STARD9: variants seen among roughly 807,000 people sequenced by gnomAD.
The protein encoded by STARD9 is stAR-related lipid transfer protein 9.
Under a neutral mutation model 399.8 loss-of-function variants are expected in STARD9, and 346 were observed. The observed-to-expected ratio is 0.87, with a 90% confidence interval of 0.79 to 0.95. The LOEUF is 0.95. STARD9 is among the 40% of genes least tolerant of loss of function. The pLI is 0.00. For missense variants in STARD9, 5,832 were observed against 5,667.5 expected, an observed-to-expected ratio of 1.03 and a Z score of -0.93; for synonymous variants, 2,203 against 2,143.5, an observed-to-expected ratio of 1.03 and a Z score of -0.77.
intron 1 of STARD9, among the ~76,000 whole-genome samples, chr15:42,577,160 C>CTT (rs869047689): frequency 4.1e-5 from 6 of 146,942 alleles, no homozygotes; most frequent in African/African-American, 1.2e-4. Context: ...TTTCTTTTTT[C>CTT]TTTTTTTTTT....
intron 9 of STARD9, 139 bp downstream of exon 9, chr15:42,652,731 A>G (rs1404819539): frequency 1.3e-6 from 1 of 741,554 alleles, no homozygotes; most frequent in Non-Finnish European, 2.3e-6. Flanking sequence ...ACTGGAGTGC[A>G]GTGGCGCGAT....
rs1321549029 is a variant in STARD9 at position 42,720,250 on chromosome 15, T to TC, written c.*677dup. Reference sequence around the variant, plus strand: ...GCGATGATGCTCTGATATGGAGCTGTCACTCTAGAGCTCGGTCAGATGGAA... The same window carrying TC: ...GCGATGATGCTCTGATATGGAGCTGTCCACTCTAGAGCTCGGTCAGATGGAA... On this transcript the variant is annotated 3_prime_UTR_variant, in exon 33 of 33. Coordinates refer to ENST00000290607, the MANE Select transcript of STARD9 (RefSeq NM_020759.3). The TC allele has an allele frequency of 6.6e-6, 1 of 152,334 alleles. No individual in the cohort carries two copies. The highest frequency in any genetic ancestry group is 6.5e-5 in the Admixed American group (1 of 15,282). 9.4% of individuals were successfully genotyped at this position (152,334 alleles called of 1,614,324 possible).
At chr15:42,698,288 A>G (rs998725232) in intron 26 of STARD9, among the ~76,000 whole-genome samples, 1 of 152,200 alleles carries the variant, frequency 6.6e-6, no homozygotes, top group African/African-American at 2.4e-5. Context: ...GAGTATATAC[A>G]TTTAAATTTT....
intron 26 of STARD9, among the ~76,000 whole-genome samples, chr15:42,716,240 C>T (rs1271061517): frequency 6.6e-6 from 1 of 152,132 alleles, no homozygotes; most frequent in Non-Finnish European, 1.5e-5. Context: ...GTCAAGCGTT[C>T]AGCTTTTCAT....
intron 3 of STARD9, among the ~76,000 whole-genome samples, chr15:42,599,726 CCATT>C (rs2058584234): frequency 6.6e-6 from 1 of 152,164 alleles, no homozygotes; most frequent in African/African-American, 2.4e-5. Flanking sequence ...AGCACAGTGA[CCATT>C]CATTTATTCA....
At chr15:42,614,526 T>C (rs1167973238) in intron 3 of STARD9, among the ~76,000 whole-genome samples, 4 of 152,064 alleles carry the variant, frequency 2.6e-5, no homozygotes, top group African/African-American at 9.7e-5. Flanking sequence ...TGATTGCTGG[T>C]GAGAATGTGC....
intron 3 of STARD9, among the ~76,000 whole-genome samples, chr15:42,626,275 C>A (rs1337389011): frequency 3.3e-5 from 5 of 151,712 alleles, no homozygotes; most frequent in African/African-American, 1.2e-4. Context: ...TCTTCCTCCT[C>A]CTCTTCCTCC....
rs1403405870 is a variant in STARD9 at position 42,682,522 on chromosome 15, C to T, written c.2484C>T (p.Cys828=). 6.5e-7 allele frequency: 1 copy of T among 1,537,216 alleles called. No individual in the cohort carries two copies. Among genetic ancestry groups the T allele is most frequent in the Admixed American group, 2.0e-5 (1 of 51,004 alleles). Residue 828 remains cysteine, a synonymous_variant, in exon 22 of 33, where the codon TGC becomes TGT. Transcript: ENST00000290607. ...CATGTAGAAGCAAATTGACGAGTTG[C>T]AGTTCTTTGAGCCCCCAAAGACTCT... ...RPPCRSKLTS[C]SSLSPQRLCS... is the part of the protein sequence containing the mutation.
rs2059327898 is a variant in STARD9 at position 42,631,336 on chromosome 15, C to T, written c.235-3520C>T. ...GGGGCTTACACCTGTAGTCCTAGTA[C>T]TTTGTGACGCCAAGTTGGGCAGACT... On this transcript the variant is annotated intron_variant, in intron 3 of 32. Coordinates refer to ENST00000290607, the MANE Select transcript of STARD9 (RefSeq NM_020759.3). Among the ~76,000 whole-genome samples the T allele has an allele frequency of 2.6e-5, 4 of 152,102 alleles. No homozygotes were observed. In the South Asian group the frequency reaches 8.3e-4, roughly 32 times the overall value.
In STARD9 at chr15:42,612,959, G is replaced by A. The variant is rs551789048; in HGVS notation, c.235-21897G>A. Among the ~76,000 whole-genome samples the A allele has an allele frequency of 2.2e-4, 33 of 149,188 alleles. No individual in the cohort carries two copies. The East Asian group carries it at 4.7e-3, about 21-fold the overall frequency. ...AGATCCTGCCACTGCATTCCAGCCT[G>A]GGCAACAGAGCGAGACTATGTCTCA... On this transcript the variant is annotated intron_variant, in intron 3 of 32. Coordinates refer to ENST00000290607, the MANE Select transcript of STARD9 (RefSeq NM_020759.3).
intron 1 of STARD9, among the ~76,000 whole-genome samples, chr15:42,576,088 A>G (rs12910030): frequency 0.18 from 27,389 of 152,046 alleles, 3,422 homozygotes; most frequent in Non-Finnish European, 0.26. Context: ...TGGGAGAGGG[A>G]TGAGCATTCT....
At chr15:42,648,112 A>C (rs987680970) in intron 7 of STARD9, among the ~76,000 whole-genome samples, 1 of 152,170 alleles carries the variant, frequency 6.6e-6, no homozygotes, top group African/African-American at 2.4e-5. Flanking sequence ...CTTCAAGAAT[A>C]ATCTTGTTTT....
Position 42,674,854 on chromosome 15 carries a change from A to G in STARD9, c.1577A>G (p.Asp526Gly), listed in dbSNP as rs760708685. 6.5e-7 allele frequency: 1 copy of G among 1,535,506 alleles called. No homozygotes were observed. The highest frequency in any genetic ancestry group is 1.2e-5 in the South Asian group (1 of 83,664). ...IVLQGQWIERDHCTITSACGV... is the reference protein window; with the variant it reads ...IVLQGQWIERGHCTITSACGV... ...CTGCAGGGTCAGTGGATTGAGAGAG[A>G]CCACTGCACTATCACCAGTGCCTGT... The change falls in exon 18 of 33, where the codon GAC becomes GGC. Residue 526 changes from aspartate (D) to glycine (G), a missense_variant. Asp to Gly is a moderately conservative substitution (Grantham distance 94). This residue lies in a region of STARD9 where 5,828 missense variants were observed against 5,651.1 expected (regional missense o/e 1.03). Coordinates refer to ENST00000290607, the MANE Select transcript of STARD9 (RefSeq NM_020759.3).
At position 42,688,990 on chromosome 15, in the gene STARD9, A is replaced by G; in HGVS notation, c.7412A>G (p.Gln2471Arg). ...DFASEAEVAVQKEIRVSSLNK... is the reference protein window; with the variant it reads ...DFASEAEVAVRKEIRVSSLNK... The stretch of plus-strand genomic sequence containing the variant: ...GCTTCTGAAGCCGAGGTGGCTGTAC[A>G]AAAAGAAATAAGAGTCAGTTCACTG... The change falls in exon 23 of 33, where the codon CAA becomes CGA. Residue 2471 changes from glutamine to arginine, a missense_variant. Gln to Arg is a conservative substitution (Grantham distance 43). Around this residue, in one of 2 missense-constraint regions of STARD9, gnomAD observed 5,828 missense variants for 5,651.1 expected, o/e 1.03. Coordinates refer to ENST00000290607, the MANE Select transcript of STARD9 (RefSeq NM_020759.3). 6.5e-7 allele frequency: 1 copy of G among 1,537,366 alleles called. No individual in the cohort carries two copies. The highest frequency in any genetic ancestry group is 8.7e-7 in the Non-Finnish European group (1 of 1,146,942).
At chr15:42,711,554 C>A (rs888959785) in intron 26 of STARD9, among the ~76,000 whole-genome samples, 1 of 152,116 alleles carries the variant, frequency 6.6e-6, no homozygotes, top group African/African-American at 2.4e-5. Context: ...CAAATTAGGT[C>A]AAATTCACAG....
chr15:42,717,584 C>T, intron 28 of STARD9, 147 bp from the exon 29 acceptor site: 1 of 726,670 alleles, frequency 1.4e-6, no homozygotes, highest in Non-Finnish European at 2.4e-6. Context: ...GTGATTACGC[C>T]ACTCCACTCC....
Position 42,686,113 on chromosome 15 carries a change from A to G in STARD9, c.4535A>G (p.Tyr1512Cys), listed in dbSNP as rs1237183135. The change falls in exon 23 of 33, where the codon TAC becomes TGC. Residue 1512 changes from tyrosine to cysteine, a missense_variant. By Grantham distance (194) the Tyr-to-Cys change is radical. This residue lies in a region of STARD9 where 5,828 missense variants were observed against 5,651.1 expected (regional missense o/e 1.03). Transcript: ENST00000290607. ...AIGAPKPAYP[Y>C]LEEDSGSLAQ... ...GGAGCACCCAAGCCAGCTTACCCCT[A>G]CCTTGAGGAAGACTCTGGTTCCCTG... 3.9e-6 allele frequency: 6 copies of G among 1,537,164 alleles called. No homozygotes were observed. The highest frequency in any genetic ancestry group is 1.4e-5 in the African/African-American group (1 of 73,120).
At chr15:42,656,327 TAAAAAAAAAAAAAAAAAAAAAAAAAA>T (rs869264641) in intron 9 of STARD9, among the ~76,000 whole-genome samples, 2 of 35,342 alleles carry the variant, frequency 5.7e-5, no homozygotes, top group East Asian at 1.8e-3. Flanking sequence ...AGCCATCTCC[TAAAAAAAAAAAAAAAAAAAAAAAAAA>T]AAAAAAAAAA....
Position 42,665,277 on chromosome 15 carries a change from G to C in STARD9, c.1201G>C (p.Glu401Gln), listed in dbSNP as rs941828125. The C allele has an allele frequency of 6.5e-7, 1 of 1,537,054 alleles. No individual in the cohort carries two copies. The highest frequency in any genetic ancestry group is 8.7e-7 in the Non-Finnish European group (1 of 1,146,790). The stretch of plus-strand genomic sequence containing the variant: ...GGATGCAAACTTAAAACTGATTAGA[G>C]AACTCAGAGAAGAGATTGAAAGACT... ...NEDANLKLIR[E>Q]LREEIERLKA... The change falls in exon 14 of 33, where the codon GAA (glutamate) becomes CAA (glutamine). Residue 401 changes from glutamate (E) to glutamine (Q), a missense_variant. Glu to Gln is a conservative substitution (Grantham distance 29). Coordinates refer to ENST00000290607, the MANE Select transcript of STARD9 (RefSeq NM_020759.3).
Sources: gnomAD v4.1 joint callset for allele counts (sites outside exome capture counted in the v4.1 genomes callset) on GRCh38, gnomAD v4.1.1 for gene constraint, gnomAD v4.1.1 regional missense constraint, MANE v1.5 for transcripts, NCBI Gene and HGNC (gene_info 2026-07-23, HGNC 2026-07-21) for gene names.